Variants in NRG3 observed in about 807,000 individuals in gnomAD.
The protein encoded by NRG3 is pro-neuregulin-3, membrane-bound isoform.
A neutral mutation model predicts 66.9 loss-of-function variants in NRG3; 31 were observed. The ratio of observed to expected loss-of-function variants is 0.46; its 90% CI spans 0.35 to 0.63. The LOEUF (loss-of-function observed/expected upper bound fraction) is 0.63. Among genes scored for constraint, NRG3 ranks in the 20% least tolerant of loss-of-function variants. The pLI, the probability that NRG3 is intolerant of heterozygous loss-of-function variation, is 0.00. For synonymous variants in NRG3, 393 were observed against 359.4 expected (o/e 1.09, Z -1.06); for missense variants, 910 against 878.9 (o/e 1.04, Z -0.45).
chr10:82,428,802 G>A (rs1403189565), intron 2 of NRG3, among the ~76,000 whole-genome samples: 1 of 151,702 alleles, frequency 6.6e-6, no homozygotes, highest in African/African-American at 2.4e-5. Flanking sequence ...ATTGAAAGAA[G>A]GTGATCAAAA....
intron 2 of NRG3, among the ~76,000 whole-genome samples, chr10:82,506,014 G>A (rs184173880): frequency 6.6e-5 from 10 of 152,298 alleles, no homozygotes; most frequent in South Asian, 2.1e-4. Flanking sequence ...TTGGGAGGCC[G>A]AGGCAGGCGG....
intron 2 of NRG3, among the ~76,000 whole-genome samples, chr10:82,524,107 C>T (rs551806507): frequency 1.4e-4 from 22 of 152,130 alleles, no homozygotes; most frequent in Admixed American, 7.2e-4. Flanking sequence ...ACTCTTTTCT[C>T]GTAAGAACCA....
intron 1 of NRG3, among the ~76,000 whole-genome samples, chr10:81,979,947 A>C (rs1454511482): frequency 6.6e-6 from 1 of 152,210 alleles, no homozygotes; most frequent in Admixed American, 6.5e-5. Context: ...CAAAAAATCA[A>C]GAAGACCACA....
At chr10:82,649,486 T>G (rs997598479) in intron 2 of NRG3, among the ~76,000 whole-genome samples, 10 of 100,380 alleles carry the variant, frequency 1.0e-4, no homozygotes, top group Admixed American at 9.8e-4. Flanking sequence ...TTTTTTTTTT[T>G]CTGAGACAGA....
chr10:82,145,864 G>A (rs771063957), intron 1 of NRG3, among the ~76,000 whole-genome samples: 1 of 151,742 alleles, frequency 6.6e-6, no homozygotes, highest in African/African-American at 2.4e-5. Flanking sequence ...AGTGGTCATC[G>A]CTCTCCACAG....
At chr10:82,786,255 G>A (rs2060357977) in intron 3 of NRG3, among the ~76,000 whole-genome samples, 1 of 152,172 alleles carries the variant, frequency 6.6e-6, no homozygotes, top group Admixed American at 6.6e-5. Context: ...GCTGCTGGGT[G>A]GACTGAGCCA....
chr10:82,700,991 G>A (rs1400459365), intron 2 of NRG3, among the ~76,000 whole-genome samples: 2 of 151,924 alleles, frequency 1.3e-5, no homozygotes, highest in Non-Finnish European at 2.9e-5. Context: ...GGGAGATTTG[G>A]TAAGGAATTA....
chr10:82,713,453 G>T (rs1244513765), intron 2 of NRG3, among the ~76,000 whole-genome samples: 1 of 152,110 alleles, frequency 6.6e-6, no homozygotes, highest in Admixed American at 6.6e-5. Context: ...CCTACCATTG[G>T]ATAAGGGATG....
At chr10:82,984,301 G>T (rs1853223204) in intron 8 of NRG3, among the ~76,000 whole-genome samples, 1 of 152,180 alleles carries the variant, frequency 6.6e-6, no homozygotes, top group African/African-American at 2.4e-5. Flanking sequence ...ATATTCAAAT[G>T]ACTTGTGATG....
At chr10:82,571,267 A>C (rs1425363717) in intron 2 of NRG3, among the ~76,000 whole-genome samples, 1 of 151,630 alleles carries the variant, frequency 6.6e-6, no homozygotes, top group Non-Finnish European at 1.5e-5. Flanking sequence ...AATAGAAACT[A>C]GACAAGGGAT....
intron 3 of NRG3, among the ~76,000 whole-genome samples, chr10:82,752,163 G>T (rs1359260411): frequency 6.6e-6 from 1 of 152,030 alleles, no homozygotes; most frequent in Non-Finnish European, 1.5e-5. Context: ...AAGAATTATG[G>T]ATAATTAATA....
chr10:82,884,680 A>C (rs1240554862), intron 4 of NRG3, among the ~76,000 whole-genome samples: 3 of 152,152 alleles, frequency 2.0e-5, no homozygotes, highest in Non-Finnish European at 4.4e-5. Flanking sequence ...CTTCTAACTG[A>C]TCATTATTTT....
chr10:81,897,029 C>T (rs568679817), intron 1 of NRG3, among the ~76,000 whole-genome samples: 1 of 152,156 alleles, frequency 6.6e-6, no homozygotes, highest in African/African-American at 2.4e-5. Context: ...TATAGGTGTT[C>T]GGGAGGCCAC....
At chr10:82,509,882 C>G (rs773308290) in intron 2 of NRG3, among the ~76,000 whole-genome samples, 55 of 152,138 alleles carry the variant, frequency 3.6e-4, no homozygotes, top group Admixed American at 2.7e-3. Context: ...CTGTCCCTAC[C>G]ATTCTGTACT....
At chr10:82,347,588 T>C (rs2135462121) in intron 1 of NRG3, among the ~76,000 whole-genome samples, 1 of 152,006 alleles carries the variant, frequency 6.6e-6, no homozygotes, top group African/African-American at 2.4e-5. Context: ...TAGGTCTGCT[T>C]GGTGCAGAGC....
intron 2 of NRG3, among the ~76,000 whole-genome samples, chr10:82,596,836 T>C (rs2047310890): frequency 6.6e-6 from 1 of 152,138 alleles, no homozygotes; most frequent in Admixed American, 6.5e-5. Context: ...ACTGCAAAAG[T>C]CAAAATATAA....
At chr10:82,720,974 T>C (rs1431894540) in intron 2 of NRG3, among the ~76,000 whole-genome samples, 1 of 150,870 alleles carries the variant, frequency 6.6e-6, no homozygotes, top group African/African-American at 2.4e-5. Context: ...AGTTAAATAG[T>C]ATTCCTCTGA....
intron 1 of NRG3, among the ~76,000 whole-genome samples, chr10:81,976,775 G>A (rs1397800637): frequency 6.6e-6 from 1 of 152,096 alleles, no homozygotes; most frequent in Non-Finnish European, 1.5e-5. Flanking sequence ...TTGGATGTGA[G>A]CTAATTTCTA....
intron 1 of NRG3, among the ~76,000 whole-genome samples, chr10:82,093,184 T>C (rs1395262932): frequency 6.6e-6 from 1 of 152,218 alleles, no homozygotes; most frequent in Non-Finnish European, 1.5e-5. Context: ...ATTATTCAGA[T>C]AAGGACACAA....
Sources: gnomAD v4.1 joint callset for allele counts (sites outside exome capture counted in the v4.1 genomes callset) on GRCh38, gnomAD v4.1.1 for gene constraint, MANE v1.5 for transcripts, NCBI Gene and HGNC (gene_info 2026-07-23, HGNC 2026-07-21) for gene names.